CDH13: variants seen among roughly 807,000 people sequenced by gnomAD.
The protein encoded by CDH13 is cadherin 13.
In CDH13, 24 loss-of-function variants were observed where a neutral mutation model predicts 63.8. The observed-to-expected ratio is 0.38, with a 90% CI of 0.27 to 0.53. CDH13 has a LOEUF of 0.53. Among genes scored for constraint, CDH13 ranks in the 20% least tolerant of loss-of-function variants. The probability of loss-of-function intolerance (pLI) is 0.85; values close to 1 mark genes in which losing one functional copy is unlikely to be tolerated. For synonymous variants in CDH13, 503 were observed against 355.3 expected, an observed-to-expected ratio of 1.42 and a Z score of -4.67; for missense variants, 1,049 against 903.1, an observed-to-expected ratio of 1.16 and a Z score of -2.07.
chr16:82,776,230 G>T (rs774191542), intron 1 of CDH13, among the ~76,000 whole-genome samples: 2 of 137,216 alleles, frequency 1.5e-5, no homozygotes, highest in African/African-American at 5.2e-5. Flanking sequence ...AGGGATGAAG[G>T]AAGGAAGGAA....
chr16:82,813,810 G>C (rs1328642751), intron 1 of CDH13, among the ~76,000 whole-genome samples: 1 of 152,202 alleles, frequency 6.6e-6, no homozygotes, highest in African/African-American at 2.4e-5. Flanking sequence ...TTGGCGAAAA[G>C]ATAGATTTTG....
intron 10 of CDH13, among the ~76,000 whole-genome samples, chr16:83,704,815 G>C (rs1480768827): frequency 6.6e-6 from 1 of 152,098 alleles, no homozygotes; most frequent in African/African-American, 2.4e-5. Context: ...TAATAATAAG[G>C]CTCCAATTTC....
At position 82,710,552 on chromosome 16, in the gene CDH13, A is replaced by AATATATATATAT. The variant is rs1555537840; in HGVS notation, c.45+83429_45+83440dup. ...TGTCTCAAAAAAAAAAAAAAAAAAA[A>AATATATATATAT]ATATATATATATATATATATATATA... is the stretch of plus-strand genomic sequence containing the variant. On this transcript the variant is annotated intron_variant, in intron 1 of 13. Coordinates refer to ENST00000567109, the MANE Select transcript of CDH13 (RefSeq NM_001257.5). Among the ~76,000 whole-genome samples, 147 of 63,732 alleles carry AATATATATATAT rather than the reference A, an allele frequency of 2.3e-3. 3 individuals carry two copies. The highest frequency in any genetic ancestry group is 3.1e-3 in the African/African-American group (54 of 17,228). 41.8% of individuals were successfully genotyped at this position (63,732 alleles called of 152,430 possible). A position where few individuals can be genotyped will look rare whatever the true frequency, so the allele number is the denominator to read the frequency against.
intron 5 of CDH13, 95 bp downstream of exon 5, chr16:83,217,592 C>G: frequency 1.5e-6 from 2 of 1,322,230 alleles, no homozygotes; most frequent in East Asian, 4.7e-5. Flanking sequence ...TGTGCCTCAT[C>G]AAACCCGGGA....
At chr16:83,437,514 A>G (rs1046761150) in intron 6 of CDH13, among the ~76,000 whole-genome samples, 1 of 151,930 alleles carries the variant, frequency 6.6e-6, no homozygotes, top group African/African-American at 2.4e-5. Context: ...CGTCTCTACT[A>G]CAAATACAAA....
chr16:82,659,219 C>T (rs969751722), intron 1 of CDH13, among the ~76,000 whole-genome samples: 23 of 152,220 alleles, frequency 1.5e-4, no homozygotes, highest in African/African-American at 5.5e-4. Flanking sequence ...GGAACCTAGT[C>T]CCACTATTCC....
intron 1 of CDH13, chr16:82,688,895 C>T (rs1008283389): frequency 6.6e-6 from 1 of 152,046 alleles, no homozygotes. Context: ...GAAAAGGGAC[C>T]AAATAGGACC....
intron 7 of CDH13, among the ~76,000 whole-genome samples, chr16:83,559,006 A>G (rs759121804): frequency 1.1e-4 from 17 of 152,054 alleles, no homozygotes; most frequent in Non-Finnish European, 1.5e-4. Flanking sequence ...AGCATCTCAT[A>G]AATTAGTCAT....
At chr16:82,976,602 T>C (rs1002547480) in intron 2 of CDH13, among the ~76,000 whole-genome samples, 2 of 152,186 alleles carry the variant, frequency 1.3e-5, no homozygotes, top group Non-Finnish European at 2.9e-5. Context: ...ATTTTACAAC[T>C]GTAGAAACTG....
chr16:82,913,638 G>A (rs952668123), intron 2 of CDH13, among the ~76,000 whole-genome samples: 2 of 152,148 alleles, frequency 1.3e-5, no homozygotes, highest in Non-Finnish European at 1.5e-5. Context: ...CACAAGATGC[G>A]ATCGCTGACG....
chr16:82,863,385 T>A (rs2040014223), intron 2 of CDH13, among the ~76,000 whole-genome samples: 1 of 152,234 alleles, frequency 6.6e-6, no homozygotes, highest in Admixed American at 6.5e-5. Flanking sequence ...GGACAGCACC[T>A]ACTCATGGAC....
At chr16:83,146,168 T>C (rs1005106796) in intron 4 of CDH13, among the ~76,000 whole-genome samples, 1 of 127,226 alleles carries the variant, frequency 7.9e-6, no homozygotes, top group African/African-American at 3.2e-5. Flanking sequence ...CACTCCAGCC[T>C]GGGCGACAGA....
intron 6 of CDH13, among the ~76,000 whole-genome samples, chr16:83,446,174 G>A (rs1289609694): frequency 2.0e-5 from 3 of 151,848 alleles, no homozygotes; most frequent in Non-Finnish European, 4.4e-5. Flanking sequence ...ATGGTGGCAT[G>A]TGCCTGTAAT....
At chr16:83,209,553 C>A (rs923998917) in intron 4 of CDH13, among the ~76,000 whole-genome samples, 4 of 152,070 alleles carry the variant, frequency 2.6e-5, no homozygotes, top group South Asian at 2.1e-4. Context: ...GTATGACAGA[C>A]CTTATTTTTA....
chr16:83,329,836 T>C (rs1343089924), intron 5 of CDH13, among the ~76,000 whole-genome samples: 1 of 152,246 alleles, frequency 6.6e-6, no homozygotes, highest in African/African-American at 2.4e-5. Flanking sequence ...TTCACTTATA[T>C]TGTAGCATGT....
chr16:83,511,494 CAT>C (rs1598191068), intron 7 of CDH13, among the ~76,000 whole-genome samples: 1 of 151,842 alleles, frequency 6.6e-6, no homozygotes, highest in Non-Finnish European at 1.5e-5. Context: ...CTTTCACTCA[CAT>C]ATACACTCAC....
intron 5 of CDH13, among the ~76,000 whole-genome samples, chr16:83,249,895 C>T (rs1905323433): frequency 6.6e-6 from 1 of 152,148 alleles, no homozygotes; most frequent in African/African-American, 2.4e-5. Context: ...CATGATGGTC[C>T]TCATGTGTTA....
chr16:82,835,799 CA>C (rs1222560114), intron 1 of CDH13, among the ~76,000 whole-genome samples: 1 of 152,168 alleles, frequency 6.6e-6, no homozygotes, highest in Non-Finnish European at 1.5e-5. Flanking sequence ...TTGCCTCCAG[CA>C]AACCAAGGAC....
At chr16:83,502,206 A>G (rs2074298976) in intron 7 of CDH13, among the ~76,000 whole-genome samples, 1 of 152,182 alleles carries the variant, frequency 6.6e-6, no homozygotes, top group African/African-American at 2.4e-5. Context: ...AGTCAAATAT[A>G]TTGAGATTGG....
Sources: allele counts gnomAD v4.1 joint callset (sites outside exome capture counted in the v4.1 genomes callset), GRCh38; gene constraint gnomAD v4.1.1; transcripts MANE v1.5; gene names NCBI Gene and HGNC (gene_info 2026-07-23, HGNC 2026-07-21).